The following TLCD3B variants were observed in gnomAD, a reference collection of about 807,000 sequenced individuals.
The protein encoded by TLCD3B is ceramide synthase.
Under a neutral mutation model 23.0 loss-of-function variants are expected in TLCD3B, and 9 were observed. That is an observed-to-expected ratio of 0.39 (90% confidence interval 0.24 to 0.68). The LOEUF (loss-of-function observed/expected upper bound fraction) is 0.68. Ranked by LOEUF, TLCD3B falls within the 30% of genes least tolerant of loss-of-function variation. The pLI, the probability that TLCD3B is intolerant of heterozygous loss-of-function variation, is 0.44. For synonymous variants in TLCD3B, 161 were observed against 161.0 expected (o/e 1.00, Z 0.00); for missense variants, 307 against 371.8 (o/e 0.83, Z 1.43).
intron 2 of TLCD3B, among the ~76,000 whole-genome samples, chr16:30,043,655 C>A (rs535040933): frequency 1.3e-5 from 2 of 152,160 alleles, no homozygotes; most frequent in African/African-American, 4.8e-5. Flanking sequence ...ATTTTCAGAG[C>A]ACAGGTTGTG....
At chr16:30,047,233 G>T (rs1461781946) in intron 1 of TLCD3B, among the ~76,000 whole-genome samples, 1 of 151,966 alleles carries the variant, frequency 6.6e-6, no homozygotes, top group Non-Finnish European at 1.5e-5. Flanking sequence ...GCCCCCAGCG[G>T]TCAAGCAATC....
At chr16:30,031,933 GCAGCTGCCTCT>G (rs2071371375), upstream of TLCD3B, among the ~76,000 whole-genome samples, 1 of 152,182 alleles carries the variant, frequency 6.6e-6, no homozygotes, top group Admixed American at 6.5e-5. Flanking sequence ...AGAGCGCGGG[GCAGCTGCCTCT>G]CAGGAAGTCC....
chr16:30,029,288 G>T lies in TLCD3B; in HGVS notation c.209+144C>A. 1.5e-6 allele frequency: 1 copy of T among 677,920 alleles called. No homozygotes were observed. The highest frequency in any genetic ancestry group is 2.7e-6 in the Non-Finnish European group (1 of 376,572). 42.0% of individuals were successfully genotyped at this position (677,920 alleles called of 1,614,324 possible). On this transcript the variant is annotated intron_variant, in intron 2 of 4. Transcript: ENST00000380495. The surrounding 1 kb of genome is among the most constrained non-coding windows in gnomAD (Gnocchi z 4.6). ...AATTTATCCCTGGGTGTTGAGTTGC[G>T]GTTATTGCAGTTAACTTGCTCAGGC... is the stretch of plus-strand genomic sequence containing the variant.
intron 1 of TLCD3B, among the ~76,000 whole-genome samples, chr16:30,051,202 C>T (rs2071743130): frequency 6.6e-6 from 1 of 151,962 alleles, no homozygotes; most frequent in Non-Finnish European, 1.5e-5. Context: ...GGAGACTAGC[C>T]TGGCCAACAT....
At chr16:30,028,076 T>C (rs1400044307) in intron 2 of TLCD3B, among the ~76,000 whole-genome samples, 1 of 151,616 alleles carries the variant, frequency 6.6e-6, no homozygotes, top group Non-Finnish European at 1.5e-5. Context: ...GGGGCAGCTG[T>C]AGAGAACGCG....
At chr16:30,036,161 G>A (rs1468254251), upstream of TLCD3B, 4 of 1,287,738 alleles carry the variant, frequency 3.1e-6, no homozygotes, top group Non-Finnish European at 4.0e-6. Context: ...TCACCTCAGA[G>A]GGACAGGTTG....
In TLCD3B at chr16:30,029,272, C is replaced by T. The variant is rs1021339896; in HGVS notation, c.209+160G>A. 6.6e-6 allele frequency among the ~76,000 whole-genome samples: 1 copy of T among 152,174 alleles called. No homozygotes were observed. Among genetic ancestry groups the T allele is most frequent in the African/African-American group, 2.4e-5 (1 of 41,428 alleles). On this transcript the variant is annotated intron_variant, in intron 2 of 4. Transcript: ENST00000380495. The surrounding 1 kb of genome is among the most constrained non-coding windows in gnomAD (Gnocchi z 4.6). ...AGGACAGGACAGGATAAATTTATCC[C>T]TGGGTGTTGAGTTGCGGTTATTGCA...
chr16:30,050,782 G>A (rs1445996003), intron 1 of TLCD3B, among the ~76,000 whole-genome samples: 1 of 152,210 alleles, frequency 6.6e-6, no homozygotes, highest in Non-Finnish European at 1.5e-5. Context: ...GCCTCATGGT[G>A]TAGGAAACCC....
chr16:30,028,477 G>A (rs543150745), intron 2 of TLCD3B, among the ~76,000 whole-genome samples: 2 of 152,176 alleles, frequency 1.3e-5, no homozygotes, highest in Admixed American at 6.5e-5. Context: ...GAGCAGGGGA[G>A]GGAAGGGGTG....
intron 2 of TLCD3B, among the ~76,000 whole-genome samples, chr16:30,044,192 T>C (rs2071620216): frequency 6.6e-6 from 1 of 151,728 alleles, no homozygotes; most frequent in African/African-American, 2.4e-5. Flanking sequence ...AGATGGGGTT[T>C]CACCATGTTG....
At chr16:30,043,812 T>A (rs2150995770) in intron 2 of TLCD3B, among the ~76,000 whole-genome samples, 1 of 151,748 alleles carries the variant, frequency 6.6e-6, no homozygotes, top group East Asian at 1.9e-4. Flanking sequence ...GCCTCCTGAG[T>A]AGCTGGGACC....
intron 3 of TLCD3B, chr16:30,036,581 G>A (rs2071478314): frequency 2.6e-6 from 1 of 378,848 alleles, no homozygotes; most frequent in Non-Finnish European, 4.8e-6. Flanking sequence ...GCAGGAGTAT[G>A]CTCTTCCATT....
chr16:30,034,416 A>AG (rs1235020993), upstream of TLCD3B, among the ~76,000 whole-genome samples: 1 of 148,840 alleles, frequency 6.7e-6, no homozygotes, highest in East Asian at 2.0e-4. Flanking sequence ...CTACCAAAAA[A>AG]AAAAAAAAAA....
chr16:30,049,349 A>AAGT (rs2071716671), intron 1 of TLCD3B, among the ~76,000 whole-genome samples: 1 of 152,128 alleles, frequency 6.6e-6, no homozygotes, highest in Non-Finnish European at 1.5e-5. Flanking sequence ...AGGCAGCTGA[A>AAGT]AGTATTAGAT....
intron 3 of TLCD3B, among the ~76,000 whole-genome samples, 161 bp downstream of exon 3, chr16:30,026,448 G>T (rs1435939734): frequency 6.6e-6 from 1 of 152,260 alleles, no homozygotes; most frequent in African/African-American, 2.4e-5. Flanking sequence ...CCCTGGGCTG[G>T]TGCTCAGTGA....
intron 2 of TLCD3B, among the ~76,000 whole-genome samples, chr16:30,028,374 A>AG (rs1372077281): frequency 6.6e-6 from 1 of 151,974 alleles, no homozygotes; most frequent in African/African-American, 2.4e-5. Flanking sequence ...GAACAGACAC[A>AG]GGGGGGCCTG....
chr16:30,045,910 GC>G (rs1257719560), intron 2 of TLCD3B, among the ~76,000 whole-genome samples: 1 of 151,988 alleles, frequency 6.6e-6, no homozygotes, highest in Non-Finnish European at 1.5e-5. Flanking sequence ...AAAGCATGGG[GC>G]CAGGCTGGGC....
intron 1 of TLCD3B, among the ~76,000 whole-genome samples, chr16:30,049,842 T>C (rs1265828357): frequency 1.3e-5 from 2 of 150,732 alleles, no homozygotes; most frequent in Non-Finnish European, 2.9e-5. Context: ...GGAGAATCAC[T>C]CAACTTGGGA....
At chr16:30,027,984 G>A (rs114884498) in intron 2 of TLCD3B, among the ~76,000 whole-genome samples, 3,342 of 152,338 alleles carry the variant, frequency 0.022, 135 homozygotes, top group African/African-American at 0.075. Context: ...CTCCAGCAGG[G>A]ACGGTACCAG....
Sources: gnomAD v4.1 joint callset for allele counts (sites outside exome capture counted in the v4.1 genomes callset) on GRCh38, gnomAD v4.1.1 for gene constraint, Gnocchi (gnomAD v3.1) non-coding constraint, MANE v1.5 for transcripts, NCBI Gene and HGNC (gene_info 2026-07-23, HGNC 2026-07-21) for gene names.